The following HIGD1A variants were observed in gnomAD, a reference collection of about 807,000 sequenced individuals.
HIGD1A encodes the protein HIG1 hypoxia inducible domain family member 1A, also known as HIG1 domain family member 1A, mitochondrial.
In HIGD1A, 8 loss-of-function variants were observed where a neutral mutation model predicts 11.3. The ratio of observed to expected loss-of-function variants is 0.71; its 90% CI spans 0.42 to 1.28. The LOEUF (loss-of-function observed/expected upper bound fraction) is 1.28, where lower values mean the gene tolerates loss of function less well. Among genes scored for constraint, HIGD1A ranks in the 50% most tolerant of loss-of-function variants. HIGD1A has a pLI of 0.01. For synonymous variants in HIGD1A, 32 were observed against 38.4 expected (o/e 0.83, Z 0.62); for missense variants, 107 against 118.8 (o/e 0.90, Z 0.46).
intron 2 of HIGD1A, among the ~76,000 whole-genome samples, chr3:42,790,271 G>A (rs1316602306): frequency 6.6e-6 from 1 of 152,162 alleles, no homozygotes; most frequent in Non-Finnish European, 1.5e-5. Flanking sequence ...AGTGGCTCAC[G>A]CCTGTAATCC....
chr3:42,802,806 A>T (rs2125596527), intron 1 of HIGD1A, among the ~76,000 whole-genome samples: 1 of 152,318 alleles, frequency 6.6e-6, no homozygotes, highest in South Asian at 2.1e-4. Flanking sequence ...TCTGATAGAG[A>T]GTCCTGGGTT....
intron 2 of HIGD1A, among the ~76,000 whole-genome samples, chr3:42,786,659 A>G (rs1044280534): frequency 3.9e-5 from 6 of 152,236 alleles, no homozygotes; most frequent in Non-Finnish European, 8.8e-5. Flanking sequence ...GAATAGAGCA[A>G]TATTAGTTTC....
intron 1 of HIGD1A, chr3:42,804,231 A>C (rs763855376): frequency 2.1e-5 from 33 of 1,606,468 alleles, no homozygotes; most frequent in Non-Finnish European, 2.7e-5. Context: ...GAAGGACCCT[A>C]GGCCTCGGCT....
At chr3:42,793,128 G>A (rs955426957) in intron 2 of HIGD1A, among the ~76,000 whole-genome samples, 5 of 151,870 alleles carry the variant, frequency 3.3e-5, no homozygotes, top group Non-Finnish European at 7.4e-5. Flanking sequence ...ACATCAAAAT[G>A]GTAACAACAG....
At chr3:42,787,137 T>C (rs1575357418) in intron 2 of HIGD1A, among the ~76,000 whole-genome samples, 1 of 152,164 alleles carries the variant, frequency 6.6e-6, no homozygotes, top group Non-Finnish European at 1.5e-5. Flanking sequence ...AATTAGGCTA[T>C]GATTATCACA....
At position 42,794,191 on chromosome 3, in the gene HIGD1A, A is replaced by G; in HGVS notation, c.63T>C (p.Ile21=). 1 of 1,605,592 alleles carries G rather than the reference A, an allele frequency of 6.2e-7. No individual in the cohort carries two copies. The highest frequency in any genetic ancestry group is 2.3e-5 in the East Asian group (1 of 44,282). The change falls in exon 2 of 4, where the codon ATT becomes ATC. Residue 21 remains isoleucine (I), a synonymous_variant. Transcript: ENST00000321331. ...SYEEDQGSKL[I]RKAKEAPFVP... ...CGAATGGTGCCTCTTTAGCTTTTCG[A>G]ATGAGTTTTGATCCCTGATCTTCCT...
chr3:42,796,116 A>C (rs1700495311), intron 1 of HIGD1A, among the ~76,000 whole-genome samples: 1 of 152,204 alleles, frequency 6.6e-6, no homozygotes, highest in Non-Finnish European at 1.5e-5. Context: ...GTGGCAGTTA[A>C]GGTCCTCAAC....
intron 2 of HIGD1A, among the ~76,000 whole-genome samples, chr3:42,793,015 C>T (rs1050027150): frequency 7.1e-6 from 1 of 141,606 alleles, no homozygotes; most frequent in Admixed American, 7.0e-5. Context: ...TTTCGAATAA[C>T]ATAGTTAAAA....
At chr3:42,787,681 A>G (rs2125923922) in intron 2 of HIGD1A, among the ~76,000 whole-genome samples, 1 of 149,402 alleles carries the variant, frequency 6.7e-6, no homozygotes, top group Non-Finnish European at 1.5e-5. Context: ...AAATAAATGG[A>G]GCAAAAATTG....
rs1472485876 is a variant in HIGD1A at position 42,804,480 on chromosome 3, T to TGCA, written c.-70_-68dup. ...CACACCCCAACCGGCTTCCGATCCC[T>TGCA]GCAGGCGCACCCAGTCCTCCCGGCT... On this transcript the variant is annotated 5_prime_UTR_variant, in exon 1 of 4. Coordinates refer to ENST00000321331, the MANE Select transcript of HIGD1A (RefSeq NM_014056.4). 1 of 454,302 alleles carries TGCA rather than the reference T, an allele frequency of 2.2e-6. No homozygotes were observed. The highest frequency in any genetic ancestry group is 3.6e-5 in the East Asian group (1 of 28,106). 28.1% of individuals were successfully genotyped at this position (454,302 alleles called of 1,614,324 possible).
At position 42,784,075 on chromosome 3, in the gene HIGD1A, CAAAAAA is replaced by C. The variant is rs5848628; in HGVS notation, c.*1190_*1195del. 1.0e-5 allele frequency among the ~76,000 whole-genome samples: 1 copy of C among 100,184 alleles called. No individual in the cohort carries two copies. 65.7% of individuals were successfully genotyped at this position (100,184 alleles called of 152,430 possible). A position where few individuals can be genotyped will look rare whatever the true frequency, so the allele number is the denominator to read the frequency against. On this transcript the variant is annotated 3_prime_UTR_variant, in exon 4 of 4. Transcript: ENST00000321331. ...AAGATGACAGAGAATAACTCCGTCT[CAAAAAA>C]AAAAAAAAAAAATTTATATGGATAA...
chr3:42,788,998 T>A (rs1212000839), intron 2 of HIGD1A, among the ~76,000 whole-genome samples: 4 of 151,182 alleles, frequency 2.6e-5, no homozygotes, highest in Admixed American at 6.6e-5. Flanking sequence ...TGTATTAGAA[T>A]AATATTATCA....
At chr3:42,794,326 T>C in intron 1 of HIGD1A, 51 bp from the exon 2 acceptor site, 1 of 1,482,210 alleles carries the variant, frequency 6.7e-7, no homozygotes, top group East Asian at 2.5e-5. Context: ...CTGAACATTA[T>C]TAAATATCTG....
chr3:42,786,250 A>G, intron 2 of HIGD1A, 88 bp from the exon 3 acceptor site: 1 of 1,418,482 alleles, frequency 7.0e-7, no homozygotes, highest in Non-Finnish European at 9.7e-7. Flanking sequence ...TATTATTTTT[A>G]TGAGGATTCT....
At chr3:42,787,058 T>C (rs1700360976) in intron 2 of HIGD1A, among the ~76,000 whole-genome samples, 1 of 152,112 alleles carries the variant, frequency 6.6e-6, no homozygotes. Context: ...TGGTGAGCAA[T>C]AAAGACAGAA....
intron 1 of HIGD1A, among the ~76,000 whole-genome samples, chr3:42,795,975 A>C (rs949453232): frequency 6.6e-6 from 1 of 152,248 alleles, no homozygotes; most frequent in Non-Finnish European, 1.5e-5. Context: ...CAATTACAAT[A>C]AACTTAAAAG....
intron 1 of HIGD1A, among the ~76,000 whole-genome samples, chr3:42,796,838 G>C (rs1208263779): frequency 6.7e-6 from 1 of 150,086 alleles, no homozygotes; most frequent in Non-Finnish European, 1.5e-5. Flanking sequence ...CTCAAGCACT[G>C]ATCTTAGGAG....
At chr3:42,787,659 T>C (rs537826538) in intron 2 of HIGD1A, among the ~76,000 whole-genome samples, 5 of 147,502 alleles carry the variant, frequency 3.4e-5, no homozygotes, top group South Asian at 2.1e-4. Flanking sequence ...TAATCTAATA[T>C]AGCAGCAAAA....
chr3:42,791,981 T>A (rs1214505638), intron 2 of HIGD1A, among the ~76,000 whole-genome samples: 2 of 152,164 alleles, frequency 1.3e-5, no homozygotes, highest in Non-Finnish European at 2.9e-5. Context: ...AAAATATAAA[T>A]GTTCCTATAT....
Sources: allele counts gnomAD v4.1 joint callset (sites outside exome capture counted in the v4.1 genomes callset), GRCh38; gene constraint gnomAD v4.1.1; transcripts MANE v1.5; gene names NCBI Gene and HGNC (gene_info 2026-07-23, HGNC 2026-07-21).